Variants in PDE3A observed in about 807,000 individuals in gnomAD.
The protein encoded by PDE3A is phosphodiesterase 3A, also known as cGMP-inhibited 3',5'-cyclic phosphodiesterase 3A.
In PDE3A, 43 loss-of-function variants were observed where a neutral mutation model predicts 98.3. The ratio of observed to expected loss-of-function variants is 0.44; its 90% confidence interval spans 0.34 to 0.56. PDE3A has a LOEUF of 0.56. Among genes scored for constraint, PDE3A ranks in the 20% least tolerant of loss-of-function variants. The pLI is 0.01. For missense variants in PDE3A, 1,427 were observed against 1,440.7 expected, an observed-to-expected ratio of 0.99 and a Z score of 0.15; for synonymous variants, 663 against 567.9, an observed-to-expected ratio of 1.17 and a Z score of -2.38.
chr12:20,442,263 T>A (rs1944882281), intron 1 of PDE3A, among the ~76,000 whole-genome samples: 1 of 152,224 alleles, frequency 6.6e-6, no homozygotes, highest in African/African-American at 2.4e-5. Context: ...ATGACCTGTT[T>A]TGTCTATTAG....
intron 1 of PDE3A, among the ~76,000 whole-genome samples, chr12:20,439,949 C>T (rs1295709155): frequency 6.6e-6 from 1 of 152,080 alleles, no homozygotes; most frequent in Admixed American, 6.6e-5. Flanking sequence ...GATAATTTCC[C>T]TACATAGTTT....
chr12:20,513,886 A>G lies in PDE3A; in HGVS notation c.961-42774A>G, dbSNP rs200726996. Among the ~76,000 whole-genome samples the G allele has an allele frequency of 1.1e-4, 17 of 152,306 alleles. No individual in the cohort carries two copies. The East Asian group carries it at 2.5e-3, about 22-fold the overall frequency. ...TCTGAATTTAATACTGCCAACTTAA[A>G]GTACTGTTAACTTTTTTTGGCTTGT... On this transcript the variant is annotated intron_variant, in intron 1 of 15. Coordinates refer to ENST00000359062, the MANE Select transcript of PDE3A (RefSeq NM_000921.5).
At chr12:20,506,447 G>A (rs993131453) in intron 1 of PDE3A, among the ~76,000 whole-genome samples, 1 of 151,988 alleles carries the variant, frequency 6.6e-6, no homozygotes, top group Admixed American at 6.6e-5. Flanking sequence ...GGCATTTAAT[G>A]TATGAATGAG....
chr12:20,508,667 C>T (rs558513716), intron 1 of PDE3A, among the ~76,000 whole-genome samples: 1 of 151,852 alleles, frequency 6.6e-6, no homozygotes, highest in Non-Finnish European at 1.5e-5. Flanking sequence ...CTAGATGAAG[C>T]GGTTAGAATA....
intron 1 of PDE3A, among the ~76,000 whole-genome samples, chr12:20,520,392 C>T (rs1458108898): frequency 6.6e-6 from 1 of 152,110 alleles, no homozygotes; most frequent in Non-Finnish European, 1.5e-5. Flanking sequence ...TTCAAATTGG[C>T]TTTATTTTTT....
chr12:20,380,413 T>C (rs919290511), intron 1 of PDE3A, among the ~76,000 whole-genome samples: 3 of 151,874 alleles, frequency 2.0e-5, no homozygotes, highest in South Asian at 2.1e-4. Flanking sequence ...CAGTGATAAA[T>C]TTAGCTTTTC....
intron 2 of PDE3A, among the ~76,000 whole-genome samples, chr12:20,591,324 A>G (rs1943334636): frequency 6.6e-6 from 1 of 152,256 alleles, no homozygotes; most frequent in South Asian, 2.1e-4. Context: ...TCTGTTTTGA[A>G]TGACATGAAA....
Position 20,650,412 on chromosome 12 carries a change from G to A in PDE3A, c.2770-33G>A, listed in dbSNP as rs753341460. ...CTATTCAACTTTTGTTTTTATCAAA[G>A]CAAAACATATATTAACTTTATCTCT... is the stretch of plus-strand genomic sequence containing the variant. On this transcript the variant is annotated intron_variant, in intron 13 of 15. Coordinates refer to ENST00000359062, the MANE Select transcript of PDE3A (RefSeq NM_000921.5). 7.3e-6 allele frequency: 11 copies of A among 1,500,308 alleles called. No homozygotes were observed. In the African/African-American group the frequency reaches 1.4e-4, roughly 19 times the overall value. 92.9% of individuals were successfully genotyped at this position (1,500,308 alleles called of 1,614,324 possible). A position where few individuals can be genotyped will look rare whatever the true frequency, so the allele number is the denominator to read the frequency against.
chr12:20,508,717 C>T (rs1019975121), intron 1 of PDE3A, among the ~76,000 whole-genome samples: 3 of 151,568 alleles, frequency 2.0e-5, no homozygotes. Flanking sequence ...GGATCGATTC[C>T]TATTTTTGCC....
intron 2 of PDE3A, among the ~76,000 whole-genome samples, chr12:20,579,287 A>T (rs1180222351): frequency 6.6e-6 from 1 of 152,186 alleles, no homozygotes; most frequent in Non-Finnish European, 1.5e-5. Context: ...ATTAACCCTT[A>T]CTGAGGCTGA....
intron 5 of PDE3A, among the ~76,000 whole-genome samples, chr12:20,623,272 G>A (rs1375987572): frequency 7.0e-6 from 1 of 142,638 alleles, no homozygotes; most frequent in Non-Finnish European, 1.6e-5. Context: ...CATAGTTTTA[G>A]TAGCAGATAG....
intron 2 of PDE3A, among the ~76,000 whole-genome samples, chr12:20,561,428 T>C (rs903072046): frequency 3.9e-5 from 6 of 152,174 alleles, no homozygotes; most frequent in African/African-American, 1.4e-4. Flanking sequence ...TTGTTTTAGA[T>C]ATCTAAAAAA....
intron 2 of PDE3A, 77 bp downstream of exon 2, chr12:20,556,787 A>T: frequency 1.9e-6 from 2 of 1,060,588 alleles, no homozygotes; most frequent in South Asian, 1.3e-5. Context: ...AACTCAAGAG[A>T]TAATAAAATG....
At chr12:20,644,679 T>C (rs1464012361) in intron 10 of PDE3A, among the ~76,000 whole-genome samples, 5 of 152,184 alleles carry the variant, frequency 3.3e-5, no homozygotes, top group African/African-American at 1.2e-4. Flanking sequence ...GGAGATGGGC[T>C]ATACTCAGGG....
At chr12:20,491,582 T>A (rs80226521) in intron 1 of PDE3A, among the ~76,000 whole-genome samples, 1 of 152,194 alleles carries the variant, frequency 6.6e-6, no homozygotes, top group Non-Finnish European at 1.5e-5. Context: ...AGGGGGACTT[T>A]TGACCTCAGG....
intron 1 of PDE3A, among the ~76,000 whole-genome samples, chr12:20,445,402 A>C (rs2120861714): frequency 6.6e-6 from 1 of 152,324 alleles, no homozygotes; most frequent in East Asian, 1.9e-4. Flanking sequence ...AAGTAGCATA[A>C]TTAACTGTAA....
chr12:20,398,299 T>TTC (rs1944057027), intron 1 of PDE3A, among the ~76,000 whole-genome samples: 1 of 149,526 alleles, frequency 6.7e-6, no homozygotes, highest in Non-Finnish European at 1.5e-5. Context: ...TTAGTTCACT[T>TTC]TTTTTTTTTT....
At position 20,369,519 on chromosome 12, in the gene PDE3A, A is replaced by T. The variant is rs1943417230; in HGVS notation, c.235A>T (p.Arg79Trp). ...GTCCTTTCTGCTGGCGCTGCTGGTGAGGCTGGTCCGCGGGGAGGTCGGCTG... is the reference window on the plus strand; with the variant it reads ...GTCCTTTCTGCTGGCGCTGCTGGTGTGGCTGGTCCGCGGGGAGGTCGGCTG... ...SLSFLLALLV[R>W]LVRGEVGCDL... The change falls in exon 1 of 16, where the codon AGG (arginine) becomes TGG (tryptophan). Residue 79 changes from arginine (R) to tryptophan (W), a missense_variant. Physicochemically the swap from Arg to Trp is moderately radical, Grantham distance 101. Coordinates refer to ENST00000359062, the MANE Select transcript of PDE3A (RefSeq NM_000921.5). 2 of 1,560,652 alleles carry T rather than the reference A, an allele frequency of 1.3e-6. No homozygotes were observed. The highest frequency in any genetic ancestry group is 1.7e-6 in the Non-Finnish European group (2 of 1,152,428).
intron 2 of PDE3A, among the ~76,000 whole-genome samples, chr12:20,604,613 T>C (rs1943669349): frequency 6.6e-6 from 1 of 152,128 alleles, no homozygotes; most frequent in South Asian, 2.1e-4. Flanking sequence ...AAATATTGAG[T>C]TTAAAATACT....
Sources: allele counts gnomAD v4.1 joint callset (sites outside exome capture counted in the v4.1 genomes callset), GRCh38; gene constraint gnomAD v4.1.1; transcripts MANE v1.5; gene names NCBI Gene and HGNC (gene_info 2026-07-23, HGNC 2026-07-21).